TAFA2: variants seen among roughly 807,000 people sequenced by gnomAD.
TAFA2 encodes chemokine-like protein TAFA-2.
Under a neutral mutation model 18.8 loss-of-function variants are expected in TAFA2, and 7 were observed. That is an observed-to-expected ratio of 0.37 (90% CI 0.21 to 0.70). TAFA2 has a LOEUF of 0.70. Ranked by LOEUF, TAFA2 falls within the 30% of genes least tolerant of loss-of-function variation. The pLI is 0.53. For missense variants in TAFA2, 122 were observed against 158.1 expected, an observed-to-expected ratio of 0.77 and a Z score of 1.23; for synonymous variants, 60 against 54.2, an observed-to-expected ratio of 1.11 and a Z score of -0.47.
intron 1 of TAFA2, among the ~76,000 whole-genome samples, chr12:61,973,395 ATTTTTTT>A (rs33918768): frequency 1.5e-5 from 2 of 135,554 alleles, no homozygotes; most frequent in African/African-American, 2.7e-5. Flanking sequence ...TATTATTTAG[ATTTTTTT>A]TTTTTTTTTT....
chr12:62,168,513 A>G (rs2062454911), intron 1 of TAFA2, among the ~76,000 whole-genome samples: 1 of 152,166 alleles, frequency 6.6e-6, no homozygotes, highest in Admixed American at 6.5e-5. Flanking sequence ...AGAAAAGGAA[A>G]AAAGATATGA....
At chr12:61,954,851 C>A (rs1371922) in intron 1 of TAFA2, among the ~76,000 whole-genome samples, 13,843 of 152,144 alleles carry the variant, frequency 0.091, 2,074 homozygotes, top group African/African-American at 0.31. Context: ...GATACTTCGA[C>A]TTCGGGAACT....
intron 4 of TAFA2, among the ~76,000 whole-genome samples, chr12:61,736,616 T>C (rs539469220): frequency 6.6e-6 from 1 of 152,180 alleles, no homozygotes; most frequent in Admixed American, 6.6e-5. Flanking sequence ...AATGATTACA[T>C]TTTCCATTTT....
rs71083956 is a variant in TAFA2 at position 61,760,365 on chromosome 12, A to AATATATATATATAT, written c.107-5355_107-5342dup. Among the ~76,000 whole-genome samples, 814 of 122,198 alleles carry AATATATATATATAT rather than the reference A, an allele frequency of 6.7e-3. 31 individuals are homozygous for AATATATATATATAT. Among genetic ancestry groups the AATATATATATATAT allele is most frequent in the Admixed American group, 0.039 (461 of 11,712 alleles). The allele number at this position is 122,198 out of a possible 152,430, so 80.2% of individuals were successfully genotyped here. A position where few individuals can be genotyped will look rare whatever the true frequency, so the allele number is the denominator to read the frequency against. On this transcript the variant is annotated intron_variant, in intron 2 of 4. Coordinates refer to ENST00000416284, the MANE Select transcript of TAFA2 (RefSeq NM_178539.5). ...TTGGCATTGGTAGGAAAAATATCAA[A>AATATATATATATAT]ATATATATATATATATATGCGCCAG...
At chr12:61,794,922 T>C (rs1173608947) in intron 2 of TAFA2, among the ~76,000 whole-genome samples, 1 of 152,068 alleles carries the variant, frequency 6.6e-6, no homozygotes, top group Non-Finnish European at 1.5e-5. Context: ...GGGCGAAGGA[T>C]ATGAACAGAC....
intron 1 of TAFA2, chr12:61,890,532 T>C (rs1592463994): frequency 6.6e-6 from 1 of 152,222 alleles, no homozygotes; most frequent in Non-Finnish European, 1.5e-5. Flanking sequence ...GAAATGTCTA[T>C]ATAAAAAGCA....
At chr12:61,853,461 T>C (rs1314481144) in intron 2 of TAFA2, among the ~76,000 whole-genome samples, 1 of 150,054 alleles carries the variant, frequency 6.7e-6, no homozygotes, top group Non-Finnish European at 1.5e-5. Context: ...TGATGGCGGA[T>C]TAAAAAAATG....
chr12:62,160,477 C>T (rs1214109457), intron 1 of TAFA2, among the ~76,000 whole-genome samples: 1 of 152,194 alleles, frequency 6.6e-6, no homozygotes, highest in Non-Finnish European at 1.5e-5. Flanking sequence ...AAACTGTGAC[C>T]TCTGCATTTG....
intron 1 of TAFA2, among the ~76,000 whole-genome samples, chr12:62,066,434 C>A (rs966584217): frequency 6.6e-6 from 1 of 151,778 alleles, no homozygotes; most frequent in African/African-American, 2.4e-5. Flanking sequence ...ATCCTCACTT[C>A]CCCCACTTCC....
chr12:61,759,827 T>C lies in TAFA2; in HGVS notation c.107-4803A>G, dbSNP rs546870017. ...TATAATGTGAGGGGTTCTGAGAAAC[T>C]ATTCTATAATGGGATAATGACATTG... On this transcript the variant is annotated intron_variant, in intron 2 of 4. Transcript: ENST00000416284. Among the ~76,000 whole-genome samples, 4 of 152,106 alleles carry C rather than the reference T, an allele frequency of 2.6e-5. No individual in the cohort carries two copies. The South Asian group carries it at 8.3e-4, about 32-fold the overall frequency.
At chr12:62,249,140 A>G (rs866218811) in intron 1 of TAFA2, among the ~76,000 whole-genome samples, 3 of 152,064 alleles carry the variant, frequency 2.0e-5, no homozygotes, top group Admixed American at 2.0e-4. Context: ...ACATTGCACA[A>G]TGTGACCCTC....
intron 1 of TAFA2, among the ~76,000 whole-genome samples, chr12:62,222,109 G>C (rs937955528): frequency 6.6e-6 from 1 of 152,158 alleles, no homozygotes; most frequent in African/African-American, 2.4e-5. Context: ...CTGTGATAGA[G>C]GGGTGAAGAG....
chr12:62,033,299 G>C (rs1225721265), intron 1 of TAFA2, among the ~76,000 whole-genome samples: 2 of 152,056 alleles, frequency 1.3e-5, no homozygotes, highest in African/African-American at 4.8e-5. Context: ...AAATGTCCAT[G>C]AACTAAGGAA....
In TAFA2 at chr12:61,797,555, G is replaced by GAA. The variant is rs147118686; in HGVS notation, c.107-42533_107-42532dup. Among the ~76,000 whole-genome samples, 5 of 148,898 alleles carry GAA rather than the reference G, an allele frequency of 3.4e-5. No homozygotes were observed. The East Asian group carries it at 9.8e-4, about 29-fold the overall frequency. ...CTAGATCAGCTGGGCACAAAAGTCT[G>GAA]AAAAAAAAAATATAAAACCACAGAT... On this transcript the variant is annotated intron_variant, in intron 2 of 4. Transcript: ENST00000416284.
At chr12:62,003,741 T>C (rs1880455576) in intron 1 of TAFA2, among the ~76,000 whole-genome samples, 1 of 152,212 alleles carries the variant, frequency 6.6e-6, no homozygotes, top group South Asian at 2.1e-4. Flanking sequence ...ATCTGTCTTG[T>C]TCTCTTATAT....
chr12:62,018,379 T>A (rs984886845), intron 1 of TAFA2, among the ~76,000 whole-genome samples: 3 of 152,176 alleles, frequency 2.0e-5, no homozygotes, highest in Non-Finnish European at 4.4e-5. Context: ...GATATCACCA[T>A]TTATTCACAC....
At chr12:62,152,211 GA>G (rs2062333429) in intron 1 of TAFA2, among the ~76,000 whole-genome samples, 1 of 152,116 alleles carries the variant, frequency 6.6e-6, no homozygotes, top group South Asian at 2.1e-4. Context: ...CACATTCTCA[GA>G]TACTGTTTTG....
chr12:62,109,272 C>T (rs555435621), intron 1 of TAFA2, among the ~76,000 whole-genome samples: 17 of 152,210 alleles, frequency 1.1e-4, no homozygotes, highest in African/African-American at 3.4e-4. Flanking sequence ...TCAGGTTTGT[C>T]GAAGATCAGA....
chr12:62,235,522 T>C (rs1306024441), intron 1 of TAFA2: 1 of 506,734 alleles, frequency 2.0e-6, no homozygotes, highest in Non-Finnish European at 3.6e-6. Flanking sequence ...ACATGAAGAC[T>C]AGGTGGTGTC....
Sources: gnomAD v4.1 joint callset for allele counts (sites outside exome capture counted in the v4.1 genomes callset) on GRCh38, gnomAD v4.1.1 for gene constraint, MANE v1.5 for transcripts, NCBI Gene and HGNC (gene_info 2026-07-23, HGNC 2026-07-21) for gene names.